ATXN7L1: variants seen among roughly 807,000 people sequenced by gnomAD.
The protein encoded by ATXN7L1 is ataxin 7 like 1.
Under a neutral mutation model 70.8 loss-of-function variants are expected in ATXN7L1, and 15 were observed. The ratio of observed to expected loss-of-function variants is 0.21; its 90% CI spans 0.14 to 0.33. The LOEUF is 0.33. Ranked by LOEUF, ATXN7L1 falls within the 10% of genes least tolerant of loss-of-function variation. The probability of loss-of-function intolerance (pLI) is 1.00; values close to 1 mark genes in which losing one functional copy is unlikely to be tolerated. For missense variants in ATXN7L1, 975 were observed against 1,097.1 expected (o/e 0.89, Z 1.57); for synonymous variants, 440 against 445.1 (o/e 0.99, Z 0.14).
At chr7:105,643,152 T>C (rs1193490552) in intron 4 of ATXN7L1, 31 bp from the exon 5 acceptor site, 9 of 1,480,678 alleles carry the variant, frequency 6.1e-6, no homozygotes, top group Non-Finnish European at 8.1e-6. Flanking sequence ...CACACACAAT[T>C]GTCTTCTTTG....
At chr7:105,641,544 G>A (rs1798257533) in intron 5 of ATXN7L1, among the ~76,000 whole-genome samples, 1 of 152,236 alleles carries the variant, frequency 6.6e-6, no homozygotes, top group Non-Finnish European at 1.5e-5. Context: ...CTTCAGATGG[G>A]GTTACAGGCT....
Position 105,768,724 on chromosome 7 carries a change from G to A in ATXN7L1, c.355+19880C>T, listed in dbSNP as rs905138234. 7.2e-5 allele frequency among the ~76,000 whole-genome samples: 11 copies of A among 152,158 alleles called. 1 individual carries two copies. The highest frequency in any genetic ancestry group is 4.1e-4 in the South Asian group (2 of 4,836). On this transcript the variant is annotated intron_variant, in intron 3 of 11. Coordinates refer to ENST00000419735, the MANE Select transcript of ATXN7L1 (RefSeq NM_020725.2). ...GAATCTTCTGGCCAAGCAATGAAAG[G>A]GTAGACTAGAACCTACAAGAAGACG...
At position 105,708,850 on chromosome 7, in the gene ATXN7L1, CAT is replaced by C. The variant is rs577228807; in HGVS notation, c.356-43564_356-43563del. On this transcript the variant is annotated intron_variant, in intron 3 of 11. Transcript: ENST00000419735. ...TTTGGTGTACATAGTCTCACAAAAC[CAT>C]AGTCACGCGCCCTATTTGTATACAG... 3.3e-3 allele frequency among the ~76,000 whole-genome samples: 503 copies of C among 152,234 alleles called. 2 individuals are homozygous for C. The highest frequency in any genetic ancestry group is 0.011 in the African/African-American group (443 of 41,546).
chr7:105,793,806 C>T (rs1805589825), intron 2 of ATXN7L1, among the ~76,000 whole-genome samples: 1 of 152,192 alleles, frequency 6.6e-6, no homozygotes, highest in South Asian at 2.1e-4. Context: ...TCTGGTCACC[C>T]CCTGGCCTGA....
intron 3 of ATXN7L1, among the ~76,000 whole-genome samples, chr7:105,673,376 T>C (rs1477397116): frequency 1.3e-5 from 2 of 152,226 alleles, no homozygotes; most frequent in East Asian, 3.8e-4. Context: ...ATATGGCTTT[T>C]AAGGGACTAA....
At chr7:105,770,425 T>C (rs949267054) in intron 3 of ATXN7L1, among the ~76,000 whole-genome samples, 3 of 152,016 alleles carry the variant, frequency 2.0e-5, no homozygotes, top group African/African-American at 7.3e-5. Context: ...TACTTAGGAG[T>C]GTATCTCTAT....
At chr7:105,875,627 A>AACC in intron 2 of ATXN7L1, among the ~76,000 whole-genome samples, 185 bp downstream of exon 2, 1 of 94,810 alleles carries the variant, frequency 1.1e-5, no homozygotes, top group Non-Finnish European at 2.0e-5. Context: ...ACCCCCCTTT[A>AACC]CCCCCCCCCC....
chr7:105,656,411 C>T (rs868460582), intron 4 of ATXN7L1, among the ~76,000 whole-genome samples: 37 of 152,284 alleles, frequency 2.4e-4, no homozygotes, highest in African/African-American at 8.7e-4. Context: ...CTGGCTCCCA[C>T]AGGGGTGGTC....
rs1324607135 is a variant in ATXN7L1, at chr7:105,638,607, T to A, written c.948A>T (p.Thr316=). The part of the protein sequence containing the change: ...KPCTRSLTCK[T]HSLSHRRAVP... The stretch of plus-strand genomic sequence containing the variant: ...CTGCCCTCCGATGGCTTAGCGAATG[T>A]GTCTAAGGAGAAGAGAAATGAAAAG... Residue 316 remains threonine (T), a splice_region_variant and synonymous_variant, in exon 7 of 12, where the codon ACA becomes ACT. Coordinates refer to ENST00000419735, the MANE Select transcript of ATXN7L1 (RefSeq NM_020725.2). 6.5e-7 allele frequency: 1 copy of A among 1,549,390 alleles called. No homozygotes were observed. Among genetic ancestry groups the A allele is most frequent in the Non-Finnish European group, 8.7e-7 (1 of 1,145,622 alleles).
chr7:105,627,976 C>T (rs892177154), intron 7 of ATXN7L1, among the ~76,000 whole-genome samples: 1 of 149,736 alleles, frequency 6.7e-6, no homozygotes, highest in Non-Finnish European at 1.5e-5. Flanking sequence ...TCCTGAGTAG[C>T]TGGGATTACA....
At chr7:105,727,771 T>TAC (rs1796057768) in intron 3 of ATXN7L1, among the ~76,000 whole-genome samples, 2 of 122,858 alleles carry the variant, frequency 1.6e-5, no homozygotes, top group African/African-American at 6.5e-5. Flanking sequence ...TATATATATA[T>TAC]ATATATACAC....
intron 8 of ATXN7L1, among the ~76,000 whole-genome samples, chr7:105,623,502 G>GTGCC (rs1369247658): frequency 6.6e-6 from 1 of 152,208 alleles, no homozygotes; most frequent in Non-Finnish European, 1.5e-5. Flanking sequence ...TGGAAAGAAA[G>GTGCC]TGCCCTTCTT....
At chr7:105,768,910 T>TA (rs893720799) in intron 3 of ATXN7L1, among the ~76,000 whole-genome samples, 6 of 152,248 alleles carry the variant, frequency 3.9e-5, no homozygotes, top group African/African-American at 1.4e-4. Context: ...TTCATAAAAG[T>TA]AAATTTGCCT....
At chr7:105,690,488 T>G (rs1790637082) in intron 3 of ATXN7L1, among the ~76,000 whole-genome samples, 1 of 152,198 alleles carries the variant, frequency 6.6e-6, no homozygotes, top group South Asian at 2.1e-4. Flanking sequence ...GACCCATCTG[T>G]GTGGGACTCA....
chr7:105,683,360 T>C (rs1286047670), intron 3 of ATXN7L1, among the ~76,000 whole-genome samples: 1 of 152,150 alleles, frequency 6.6e-6, no homozygotes, highest in Non-Finnish European at 1.5e-5. Context: ...TGTTTTGGTT[T>C]TAGTGCCCAT....
chr7:105,631,001 T>C (rs1416379557), intron 7 of ATXN7L1, among the ~76,000 whole-genome samples: 1 of 152,194 alleles, frequency 6.6e-6, no homozygotes, highest in Non-Finnish European at 1.5e-5. Flanking sequence ...CATTTTGCTA[T>C]AGGACTTTGA....
chr7:105,831,489 A>T (rs73417347), intron 2 of ATXN7L1, among the ~76,000 whole-genome samples: 1 of 152,222 alleles, frequency 6.6e-6, no homozygotes, highest in Non-Finnish European at 1.5e-5. Flanking sequence ...CACTATAAAA[A>T]GGTCGTGGCC....
At chr7:105,759,895 T>G (rs1181715724) in intron 3 of ATXN7L1, among the ~76,000 whole-genome samples, 1 of 152,060 alleles carries the variant, frequency 6.6e-6, no homozygotes, top group African/African-American at 2.4e-5. Context: ...GTAAAGTGAT[T>G]AAGTTACAAT....
At chr7:105,693,761 C>T (rs1791352936) in intron 3 of ATXN7L1, among the ~76,000 whole-genome samples, 1 of 152,148 alleles carries the variant, frequency 6.6e-6, no homozygotes, top group African/African-American at 2.4e-5. Context: ...TGGTGGTGAA[C>T]AGGAACCCAC....
Sources: allele counts gnomAD v4.1 joint callset (sites outside exome capture counted in the v4.1 genomes callset), GRCh38; gene constraint gnomAD v4.1.1; transcripts MANE v1.5; gene names NCBI Gene and HGNC (gene_info 2026-07-23, HGNC 2026-07-21).